The following RIMS2 variants were observed in gnomAD, a reference collection of about 807,000 sequenced individuals.
The protein encoded by RIMS2 is regulating synaptic membrane exocytosis protein 2.
Under a neutral mutation model 174.4 loss-of-function variants are expected in RIMS2, and 59 were observed. That is an observed-to-expected ratio of 0.34 (90% CI 0.27 to 0.42). The LOEUF (loss-of-function observed/expected upper bound fraction) is 0.42, where lower values mean the gene tolerates loss of function less well. RIMS2 is among the 10% of genes least tolerant of loss of function. RIMS2 has a pLI of 1.00. For synonymous variants in RIMS2, 606 were observed against 572.5 expected (o/e 1.06, Z -0.84); for missense variants, 1,620 against 1,666.3 (o/e 0.97, Z 0.48).
At chr8:103,843,917 G>A (rs950030765) in intron 3 of RIMS2, among the ~76,000 whole-genome samples, 1 of 152,102 alleles carries the variant, frequency 6.6e-6, no homozygotes, top group African/African-American at 2.4e-5. Context: ...ATTCCCACGT[G>A]TTGTGGGAGG....
At chr8:103,947,268 A>G (rs927226081) in intron 14 of RIMS2, among the ~76,000 whole-genome samples, 1 of 152,224 alleles carries the variant, frequency 6.6e-6, no homozygotes, top group Admixed American at 6.5e-5. Context: ...AAAATTTAAA[A>G]TATTTGCTTT....
At chr8:103,820,193 G>A (rs2098743216) in intron 3 of RIMS2, among the ~76,000 whole-genome samples, 1 of 151,972 alleles carries the variant, frequency 6.6e-6, no homozygotes, top group Non-Finnish European at 1.5e-5. Flanking sequence ...TTTTCAACCT[G>A]ATCATTTTTC....
At chr8:103,740,105 A>G (rs1401723781) in intron 2 of RIMS2, among the ~76,000 whole-genome samples, 1 of 152,176 alleles carries the variant, frequency 6.6e-6, no homozygotes, top group Non-Finnish European at 1.5e-5. Flanking sequence ...GTTTTATGCC[A>G]ACATAGGAAG....
At chr8:103,755,130 A>T (rs951894282) in intron 2 of RIMS2, among the ~76,000 whole-genome samples, 5 of 152,148 alleles carry the variant, frequency 3.3e-5, no homozygotes, top group African/African-American at 9.7e-5. Flanking sequence ...CCTGGTGGTG[A>T]CAAAATCTCT....
chr8:104,108,848 T>C (rs186246008), intron 19 of RIMS2, among the ~76,000 whole-genome samples: 1 of 152,278 alleles, frequency 6.6e-6, no homozygotes, highest in African/African-American at 2.4e-5. Context: ...TATGAATTGC[T>C]ACCTTATATG....
At chr8:103,949,144 A>AAAAAAAAAAGGG (rs1555024083) in intron 14 of RIMS2, among the ~76,000 whole-genome samples, 6 of 138,520 alleles carry the variant, frequency 4.3e-5, no homozygotes, top group African/African-American at 1.6e-4. Context: ...AAAAAAAAAA[A>AAAAAAAAAAGGG]AAAGGGAAAG....
intron 1 of RIMS2, among the ~76,000 whole-genome samples, chr8:103,565,019 A>G (rs2092157424): frequency 6.6e-6 from 1 of 152,198 alleles, no homozygotes; most frequent in Admixed American, 6.5e-5. Context: ...GAGAAGCCTC[A>G]TACTTGGGAC....
chr8:103,886,755 T>G (rs1177677666), intron 4 of RIMS2, among the ~76,000 whole-genome samples: 1 of 151,796 alleles, frequency 6.6e-6, no homozygotes, highest in Non-Finnish European at 1.5e-5. Flanking sequence ...TGTATACTGA[T>G]GCTTTCAATT....
At chr8:103,572,471 C>G (rs2132411165) in intron 1 of RIMS2, among the ~76,000 whole-genome samples, 1 of 152,186 alleles carries the variant, frequency 6.6e-6, no homozygotes, top group Admixed American at 6.5e-5. Flanking sequence ...AGTTTACAAA[C>G]TCAAGCTGCT....
chr8:103,813,657 G>T (rs974435787), intron 3 of RIMS2, among the ~76,000 whole-genome samples: 1 of 152,066 alleles, frequency 6.6e-6, no homozygotes, highest in Admixed American at 6.5e-5. Flanking sequence ...GCAGTGTTTG[G>T]TTTTCTGTCC....
At chr8:104,141,423 T>G (rs2098571061) in intron 19 of RIMS2, among the ~76,000 whole-genome samples, 1 of 152,168 alleles carries the variant, frequency 6.6e-6, no homozygotes, top group African/African-American at 2.4e-5. Flanking sequence ...AGATTTAGCC[T>G]TCATAAATTT....
At chr8:104,006,951 G>GA (rs1278111372) in intron 17 of RIMS2, among the ~76,000 whole-genome samples, 3 of 151,870 alleles carry the variant, frequency 2.0e-5, no homozygotes, top group Non-Finnish European at 4.4e-5. Context: ...ATTATTGAGA[G>GA]AAAAAACTAT....
intron 19 of RIMS2, among the ~76,000 whole-genome samples, chr8:104,195,663 C>T (rs975988494): frequency 2.0e-5 from 3 of 151,864 alleles, no homozygotes; most frequent in African/African-American, 7.3e-5. Flanking sequence ...TACAGGCACA[C>T]GTCGCCATGC....
intron 19 of RIMS2, among the ~76,000 whole-genome samples, chr8:104,077,683 T>C (rs1176568545): frequency 2.9e-5 from 4 of 139,726 alleles, no homozygotes; most frequent in Non-Finnish European, 4.7e-5. Flanking sequence ...AGCTCTGAAC[T>C]CAGGGTTCAG....
chr8:103,800,214 C>CCTGTGATAGT (rs1340390299), intron 3 of RIMS2, among the ~76,000 whole-genome samples: 2 of 152,044 alleles, frequency 1.3e-5, no homozygotes, highest in Non-Finnish European at 2.9e-5. Context: ...GTGATAGTAC[C>CCTGTGATAGT]ACACTGTAAT....
At chr8:104,045,147 G>A (rs2096671429) in intron 19 of RIMS2, among the ~76,000 whole-genome samples, 1 of 151,642 alleles carries the variant, frequency 6.6e-6, no homozygotes, top group Non-Finnish European at 1.5e-5. Context: ...AAAATATGAT[G>A]GAGAAATAAT....
intron 2 of RIMS2, among the ~76,000 whole-genome samples, chr8:103,706,075 T>C (rs1175607527): frequency 1.3e-5 from 2 of 152,064 alleles, no homozygotes; most frequent in Non-Finnish European, 2.9e-5. Flanking sequence ...GGACCTATTA[T>C]AGGTATTTCT....
chr8:104,181,459 A>G (rs966965584), intron 19 of RIMS2, among the ~76,000 whole-genome samples: 1 of 151,634 alleles, frequency 6.6e-6, no homozygotes, highest in African/African-American at 2.4e-5. Context: ...AAAATCTTTA[A>G]TCTGAGCCGT....
chr8:104,178,601 T>A (rs956305694), intron 19 of RIMS2, among the ~76,000 whole-genome samples: 4 of 152,126 alleles, frequency 2.6e-5, no homozygotes, highest in African/African-American at 9.7e-5. Flanking sequence ...CAGGATGGAA[T>A]CTTGGGGGAA....
Sources: gnomAD v4.1 joint callset for allele counts (sites outside exome capture counted in the v4.1 genomes callset) on GRCh38, gnomAD v4.1.1 for gene constraint, MANE v1.5 for transcripts, NCBI Gene and HGNC (gene_info 2026-07-23, HGNC 2026-07-21) for gene names.